KANK1: variants seen among roughly 807,000 people sequenced by gnomAD.
The protein encoded by KANK1 is KN motif and ankyrin repeat domains 1, also known as KN motif and ankyrin repeat domain-containing protein 1.
Under a neutral mutation model 106.2 loss-of-function variants are expected in KANK1, and 109 were observed. The ratio of observed to expected loss-of-function variants is 1.03; its 90% CI spans 0.88 to 1.20. KANK1 has a LOEUF of 1.20. Among genes scored for constraint, KANK1 ranks in the 50% most tolerant of loss-of-function variants. The probability of loss-of-function intolerance (pLI) is 0.00; values close to 1 mark genes in which losing one functional copy is unlikely to be tolerated. For synonymous variants in KANK1, 873 were observed against 652.2 expected, an observed-to-expected ratio of 1.34 and a Z score of -5.16; for missense variants, 2,399 against 1,710.7, an observed-to-expected ratio of 1.40 and a Z score of -7.10.
chr9:495,101 A>G (rs944335662), intron 3 of KANK1: 3 of 152,250 alleles, frequency 2.0e-5, no homozygotes, highest in African/African-American at 7.2e-5. Flanking sequence ...CAGGAATGAC[A>G]GCTGACAATA....
At chr9:710,598 G>A in intron 2 of KANK1, among the ~76,000 whole-genome samples, 1 of 128,948 alleles carries the variant, frequency 7.8e-6, no homozygotes, top group Non-Finnish European at 1.6e-5. Context: ...CAGCCTGGGT[G>A]ACAGAATGAC....
At chr9:662,376 C>G (rs1843529984) in intron 1 of KANK1, among the ~76,000 whole-genome samples, 1 of 152,128 alleles carries the variant, frequency 6.6e-6, no homozygotes, top group Non-Finnish European at 1.5e-5. Context: ...CAAGACAGTC[C>G]TAAGCAAAAA....
intron 3 of KANK1, among the ~76,000 whole-genome samples, chr9:497,430 TCACAC>T (rs2058473677): frequency 3.3e-5 from 5 of 150,720 alleles, no homozygotes; most frequent in Non-Finnish European, 7.4e-5. Flanking sequence ...ATGTGACTCT[TCACAC>T]ACACACACAC....
In KANK1 at chr9:745,193, G is replaced by A; in HGVS notation, c.4017G>A (p.Arg1339=). The part of the protein sequence containing the change: ...AQSPGTPRLG[R]KTSPGPTHRG... ...TCTAGGGCACCCCTAGGCTTGGAAG[G>A]AAGACGTCTCCTGGCCCCACCCACC... Residue 1339 remains arginine, a synonymous_variant, in exon 12 of 12, where the codon AGG becomes AGA. Transcript: ENST00000382297. The A allele has an allele frequency of 6.2e-7, 1 of 1,614,074 alleles. No homozygotes were observed. Among genetic ancestry groups the A allele is most frequent in the Non-Finnish European group, 8.5e-7 (1 of 1,179,982 alleles).
At chr9:560,000 A>G (rs1406051267) in intron 1 of KANK1, among the ~76,000 whole-genome samples, 4 of 152,192 alleles carry the variant, frequency 2.6e-5, no homozygotes, top group Non-Finnish European at 5.9e-5. Flanking sequence ...AGAAGTTTCC[A>G]TCTGACTCCA....
At chr9:614,947 C>G (rs1831442458) in intron 1 of KANK1, among the ~76,000 whole-genome samples, 1 of 151,582 alleles carries the variant, frequency 6.6e-6, no homozygotes, top group South Asian at 2.1e-4. Flanking sequence ...TTTATGGTAC[C>G]CATCCCCCCC....
chr9:541,429 G>C (rs1018667700), intron 1 of KANK1, among the ~76,000 whole-genome samples: 3 of 152,092 alleles, frequency 2.0e-5, no homozygotes, highest in African/African-American at 7.2e-5. Context: ...ACTCAAAATG[G>C]ACTAAAGATT....
At chr9:514,491 G>A (rs1215581032) in intron 1 of KANK1, among the ~76,000 whole-genome samples, 2 of 150,188 alleles carry the variant, frequency 1.3e-5, no homozygotes, top group African/African-American at 5.0e-5. Context: ...TTGCCCCGAG[G>A]GTATCCTTAC....
At chr9:609,624 C>G (rs914605934) in intron 1 of KANK1, among the ~76,000 whole-genome samples, 13 of 152,040 alleles carry the variant, frequency 8.6e-5, no homozygotes, top group Non-Finnish European at 8.8e-5. Context: ...GAGTGAGACG[C>G]TGTCCCAAAA....
At chr9:578,725 A>C (rs1380778884) in intron 1 of KANK1, among the ~76,000 whole-genome samples, 6 of 152,210 alleles carry the variant, frequency 3.9e-5, no homozygotes, top group Non-Finnish European at 2.9e-5. Context: ...CTTTACCCTC[A>C]AGAAATTGTA....
chr9:597,912 G>A (rs1007458255), intron 1 of KANK1, among the ~76,000 whole-genome samples: 4 of 151,414 alleles, frequency 2.6e-5, no homozygotes, highest in East Asian at 3.9e-4. Context: ...TGATCCACCC[G>A]CCTCAGCCTC....
In KANK1 at chr9:670,766, G is replaced by A. The variant is rs76289918; in HGVS notation, c.-83-6124G>A. Among the ~76,000 whole-genome samples, 237 of 152,222 alleles carry A rather than the reference G, an allele frequency of 1.6e-3. 1 individual carries two copies. Among genetic ancestry groups the A allele is most frequent in the Middle Eastern group, 6.8e-3 (2 of 294 alleles). ...GCACTCCTGATGCTTCTCATGGGTT[G>A]AGGCATGGATAGGTCTCCTGCCAAA... is the stretch of plus-strand genomic sequence containing the variant. On this transcript the variant is annotated intron_variant, in intron 1 of 11. Transcript: ENST00000382297.
intron 1 of KANK1, among the ~76,000 whole-genome samples, chr9:544,400 A>G (rs1251240242): frequency 3.3e-5 from 5 of 152,122 alleles, no homozygotes; most frequent in Non-Finnish European, 7.3e-5. Context: ...TTTTAACATC[A>G]CTACCGCATC....
chr9:631,378 C>G (rs1835697532), intron 1 of KANK1, among the ~76,000 whole-genome samples: 1 of 152,140 alleles, frequency 6.6e-6, no homozygotes, highest in African/African-American at 2.4e-5. Context: ...CCTTGGCATT[C>G]CATCCAAGAT....
Position 742,114 on chromosome 9 carries a change from C to G in KANK1, c.3697-91C>G, listed in dbSNP as rs964790358. 7.2e-6 allele frequency: 8 copies of G among 1,107,676 alleles called. No homozygotes were observed. The Admixed American group carries it at 1.2e-4, about 16-fold the overall frequency. 68.6% of individuals were successfully genotyped at this position (1,107,676 alleles called of 1,614,324 possible). A position where few individuals can be genotyped will look rare whatever the true frequency, so the allele number is the denominator to read the frequency against. Reference sequence around the variant, plus strand: ...CAGTTCTTTCCCTTCTGTCACCACACTCTTCCCCCTTTCCCTAGCACAGCC... The same window carrying G: ...CAGTTCTTTCCCTTCTGTCACCACAGTCTTCCCCCTTTCCCTAGCACAGCC... On this transcript the variant is annotated intron_variant, in intron 9 of 11. Coordinates refer to ENST00000382297, the MANE Select transcript of KANK1 (RefSeq NM_015158.5).
At position 740,769 on chromosome 9, in the gene KANK1, CTTTTTTT is replaced by C. The variant is rs58169581; in HGVS notation, c.3554-11_3554-5del. ...TTAGAAGGGGCTGCTTCCTAAGAGACTTTTTTTTTTTTTTTTTTACAGATGTGTGTAA... is the reference window on the plus strand; with the variant it reads ...TTAGAAGGGGCTGCTTCCTAAGAGACTTTTTTTTTTTACAGATGTGTGTAA... On this transcript the variant is annotated splice_polypyrimidine_tract_variant and intron_variant, in intron 8 of 11. Transcript: ENST00000382297. The C allele has an allele frequency of 0.065, 95,037 of 1,461,882 alleles. 1,535 individuals are homozygous for C. The highest frequency in any genetic ancestry group is 0.17 in the African/African-American group (11,629 of 68,852). 90.6% of individuals were successfully genotyped at this position (1,461,882 alleles called of 1,614,324 possible).
At chr9:658,404 C>G (rs1390606403) in intron 1 of KANK1, among the ~76,000 whole-genome samples, 1 of 152,138 alleles carries the variant, frequency 6.6e-6, no homozygotes, top group Non-Finnish European at 1.5e-5. Flanking sequence ...CTCTTTCCCT[C>G]TCTTAAAAAC....
chr9:673,866 C>G (rs1413379877), intron 1 of KANK1: 1 of 152,026 alleles, frequency 6.6e-6, no homozygotes, highest in African/African-American at 2.4e-5. Context: ...ACAAGGCTAG[C>G]AAGGGGCCAG....
chr9:513,886 G>A (rs1030970014), intron 1 of KANK1, among the ~76,000 whole-genome samples: 1 of 152,068 alleles, frequency 6.6e-6, no homozygotes. Context: ...GCTTGCTGGT[G>A]CACACCTGTA....
Sources: allele counts gnomAD v4.1 joint callset (sites outside exome capture counted in the v4.1 genomes callset), GRCh38; gene constraint gnomAD v4.1.1; transcripts MANE v1.5; gene names NCBI Gene and HGNC (gene_info 2026-07-23, HGNC 2026-07-21).